Variants in AGFG2 observed in about 807,000 individuals in gnomAD.
AGFG2 encodes arf-GAP domain and FG repeat-containing protein 2.
AGFG2 carries 31 observed loss-of-function variants against 48.0 expected under a neutral mutation model. The ratio of observed to expected loss-of-function variants is 0.65; its 90% CI spans 0.49 to 0.87. The LOEUF (loss-of-function observed/expected upper bound fraction) is 0.87, where lower values mean the gene tolerates loss of function less well. AGFG2 is among the 40% of genes least tolerant of loss of function. The probability of loss-of-function intolerance (pLI) is 0.00; values close to 1 mark genes in which losing one functional copy is unlikely to be tolerated. For synonymous variants in AGFG2, 229 were observed against 260.8 expected (o/e 0.88, Z 1.18); for missense variants, 599 against 632.6 (o/e 0.95, Z 0.57).
chr7:100,563,138 A>C (rs571762009), intron 9 of AGFG2, among the ~76,000 whole-genome samples, 192 bp downstream of exon 9: 1 of 152,310 alleles, frequency 6.6e-6, no homozygotes, highest in Admixed American at 6.5e-5. Context: ...TTAGAAGCAC[A>C]CAGGTGGCTA....
intron 9 of AGFG2, among the ~76,000 whole-genome samples, chr7:100,563,166 T>C (rs1800917108): frequency 6.6e-6 from 1 of 152,222 alleles, no homozygotes; most frequent in Non-Finnish European, 1.5e-5. Context: ...GAGACCGCAC[T>C]GAAGACTGTT....
At chr7:100,548,473 C>T (rs961395437) in intron 1 of AGFG2, among the ~76,000 whole-genome samples, 5 of 151,894 alleles carry the variant, frequency 3.3e-5, no homozygotes, top group African/African-American at 9.7e-5. Flanking sequence ...CTACCATGCC[C>T]GGCTAATTTT....
rs1800692032 is a variant in AGFG2 at position 100,553,477 on chromosome 7, G to C, written c.562G>C (p.Val188Leu). The change falls in exon 4 of 12, where the codon GTT (valine) becomes CTT (leucine). Residue 188 changes from valine (V) to leucine (L), a missense_variant. Physicochemically the swap from Val to Leu is conservative, Grantham distance 32. Transcript: ENST00000300176. Reference protein sequence around the residue: ...LLGDPAPSLSVAASTSSQPVS... With the variant: ...LLGDPAPSLSLAASTSSQPVS... ...GGGTGATCCTGCACCGTCTCTCTCAGTTGCTGCCTCCACCTCGAGCCAGGT... is the reference window on the plus strand; with the variant it reads ...GGGTGATCCTGCACCGTCTCTCTCACTTGCTGCCTCCACCTCGAGCCAGGT... 2.5e-6 allele frequency: 4 copies of C among 1,601,166 alleles called. No individual in the cohort carries two copies. The highest frequency in any genetic ancestry group is 3.4e-6 in the Non-Finnish European group (4 of 1,170,216).
Position 100,563,887 on chromosome 7 carries a change from C to T in AGFG2, c.1225C>T (p.Pro409Ser). ...AGPGFPQAVPPTGAFASSFPA... is the reference protein window; with the variant it reads ...AGPGFPQAVPSTGAFASSFPA... ...GCCTGGCTTCCCCCAGGCAGTGCCA[C>T]CCACTGGGGCCTTTGCCAGCTCCTT... is the stretch of plus-strand genomic sequence containing the variant. Residue 409 changes from proline to serine, a missense_variant, in exon 10 of 12, where the codon CCC becomes TCC. Transcript: ENST00000300176. 6.2e-7 allele frequency: 1 copy of T among 1,610,652 alleles called. No individual in the cohort carries two copies. Among genetic ancestry groups the T allele is most frequent in the Non-Finnish European group, 8.5e-7 (1 of 1,180,022 alleles).
At chr7:100,543,770 T>C (rs1800465191) in intron 1 of AGFG2, among the ~76,000 whole-genome samples, 1 of 152,200 alleles carries the variant, frequency 6.6e-6, no homozygotes, top group South Asian at 2.1e-4. Context: ...ACAGCGTTGG[T>C]GTGAGGGGTT....
intron 1 of AGFG2, among the ~76,000 whole-genome samples, chr7:100,545,726 T>C (rs1036285361): frequency 2.0e-5 from 3 of 152,178 alleles, no homozygotes; most frequent in Admixed American, 6.5e-5. Context: ...TGGGTGCAAG[T>C]GGGAGAGCTG....
chr7:100,564,640 A>C (rs1800966302), intron 11 of AGFG2, among the ~76,000 whole-genome samples: 1 of 151,602 alleles, frequency 6.6e-6, no homozygotes, highest in African/African-American at 2.4e-5. Context: ...AGTAGCAGGG[A>C]CTACAGGTGT....
chr7:100,557,875 A>G (rs1278812071), intron 6 of AGFG2, among the ~76,000 whole-genome samples: 2 of 152,240 alleles, frequency 1.3e-5, no homozygotes, highest in African/African-American at 4.8e-5. Context: ...ATATGAAAAT[A>G]TAATAATGGA....
At chr7:100,555,836 A>C in intron 6 of AGFG2, 101 bp downstream of exon 6, 2 of 1,475,394 alleles carry the variant, frequency 1.4e-6, no homozygotes, top group Non-Finnish European at 1.8e-6. Flanking sequence ...AGAACTGCTC[A>C]AAGCAGCAAA....
chr7:100,544,151 A>G (rs1490540032), intron 1 of AGFG2, among the ~76,000 whole-genome samples: 1 of 152,238 alleles, frequency 6.6e-6, no homozygotes, highest in Non-Finnish European at 1.5e-5. Context: ...TCTCATTGAC[A>G]CAAGGATGGA....
At position 100,564,302 on chromosome 7, in the gene AGFG2, T is replaced by C; in HGVS notation, c.1385T>C (p.Met462Thr). 1 of 1,613,088 alleles carries C rather than the reference T, an allele frequency of 6.2e-7. No homozygotes were observed. Among genetic ancestry groups the C allele is most frequent in the Non-Finnish European group, 8.5e-7 (1 of 1,179,588 alleles). Reference sequence around the variant, plus strand: ...GCTGGGATCTCCACCAACCCCTTCATGGTGAGTGTGCCAGCAGGGGTGCTG... The same window carrying C: ...GCTGGGATCTCCACCAACCCCTTCACGGTGAGTGTGCCAGCAGGGGTGCTG... Reference protein sequence around the residue: ...QPAGISTNPFMTGPSSSPFAS... With the variant: ...QPAGISTNPFTTGPSSSPFAS... The change falls in exon 11 of 12, where the codon ATG becomes ACG. Residue 462 changes from methionine (M) to threonine (T), a missense_variant and splice_region_variant. By Grantham distance (81) the Met-to-Thr change is moderately conservative. Transcript: ENST00000300176.
At chr7:100,545,407 G>A (rs555056033) in intron 1 of AGFG2, among the ~76,000 whole-genome samples, 2 of 152,284 alleles carry the variant, frequency 1.3e-5, no homozygotes, top group South Asian at 4.1e-4. Context: ...ACGGGAGGGA[G>A]GGAAAGAGAG....
intron 3 of AGFG2, among the ~76,000 whole-genome samples, 159 bp from the exon 4 acceptor site, chr7:100,553,188 A>T (rs544514313): frequency 6.6e-6 from 1 of 152,306 alleles, no homozygotes; most frequent in East Asian, 1.9e-4. Flanking sequence ...TGCTCAAGAT[A>T]GGCAGAACTT....
Position 100,550,530 on chromosome 7 carries a change from G to A in AGFG2, c.431+19G>A, listed in dbSNP as rs2131108784. 1.3e-6 allele frequency: 2 copies of A among 1,570,450 alleles called. No individual in the cohort carries two copies. The highest frequency in any genetic ancestry group is 2.2e-5 in the South Asian group (2 of 89,772). On this transcript the variant is annotated intron_variant, in intron 3 of 11. Transcript: ENST00000300176. ...AGAGATGGTAAGGAGTAGGAAAGAG[G>A]TTGCTATGGAAACGTGTTCAAGACA...
chr7:100,562,693 C>T lies in AGFG2; in HGVS notation c.1087+11C>T. ...GGCTGGCCTTTGGAGGTGAGTCCTG[C>T]CTGTGGAGACCCAGGGGAGGGGACC... is the stretch of plus-strand genomic sequence containing the variant. On this transcript the variant is annotated intron_variant, in intron 8 of 11. Coordinates refer to ENST00000300176, the MANE Select transcript of AGFG2 (RefSeq NM_006076.5). The surrounding 1 kb of genome is among the most constrained non-coding windows in gnomAD (Gnocchi z 5.4). 6.2e-7 allele frequency: 1 copy of T among 1,603,118 alleles called. No homozygotes were observed. The highest frequency in any genetic ancestry group is 8.5e-7 in the Non-Finnish European group (1 of 1,177,320).
In AGFG2 at chr7:100,539,417, C is replaced by A. The variant is rs1254659074; in HGVS notation, c.71C>A (p.Ala24Glu). The change falls in exon 1 of 12, where the codon GCG becomes GAG. Residue 24 changes from alanine to glutamate, a missense_variant. Physicochemically the swap from Ala to Glu is moderately radical, Grantham distance 107 (BLOSUM62 -1). Coordinates refer to ENST00000300176, the MANE Select transcript of AGFG2 (RefSeq NM_006076.5). ...GVSGGKAEAE[A>E]ASEVWCRRVR... ...AGCGGGGGCAAGGCGGAGGCGGAGG[C>A]GGCCTCGGAGGTGTGGTGCCGTCGG... 1 of 1,314,266 alleles carries A rather than the reference C, an allele frequency of 7.6e-7. No homozygotes were observed. Among genetic ancestry groups the A allele is most frequent in the South Asian group, 2.1e-5 (1 of 47,524 alleles). The allele number at this position is 1,314,266 out of a possible 1,614,324, so 81.4% of individuals were successfully genotyped here.
chr7:100,564,820 C>T, intron 11 of AGFG2, 112 bp from the exon 12 acceptor site: 1 of 1,238,942 alleles, frequency 8.1e-7, no homozygotes, highest in East Asian at 2.3e-5. Context: ...CCCTCACTTT[C>T]CCACTGCCCT....
At chr7:100,547,180 C>T (rs996772609) in intron 1 of AGFG2, among the ~76,000 whole-genome samples, 6 of 151,060 alleles carry the variant, frequency 4.0e-5, no homozygotes, top group African/African-American at 1.5e-4. Context: ...CCCCCACCAC[C>T]GCTGCTTTTG....
Position 100,567,084 on chromosome 7 carries a change from C to G in AGFG2, c.*2093C>G, listed in dbSNP as rs1801025976. 6.5e-6 allele frequency: 1 copy of G among 152,918 alleles called. No individual in the cohort carries two copies. The highest frequency in any genetic ancestry group is 2.1e-4 in the South Asian group (1 of 4,836). The allele number at this position is 152,918 out of a possible 1,614,324, so 9.5% of individuals were successfully genotyped here. On this transcript the variant is annotated 3_prime_UTR_variant, in exon 12 of 12. Transcript: ENST00000300176. ...TCCAGGCCCGGGTCCTCCCTGCAGA[C>G]TCCCTCCCCTCCAGCCCACAAGGAC...
Sources: gnomAD v4.1 joint callset for allele counts (sites outside exome capture counted in the v4.1 genomes callset) on GRCh38, gnomAD v4.1.1 for gene constraint, Gnocchi (gnomAD v3.1) non-coding constraint, MANE v1.5 for transcripts, NCBI Gene and HGNC (gene_info 2026-07-23, HGNC 2026-07-21) for gene names.